The following ST6GALNAC3 variants were observed in gnomAD, a reference collection of about 807,000 sequenced individuals.
ST6GALNAC3 encodes the protein alpha-N-acetylgalactosaminide alpha-2,6-sialyltransferase 3.
ST6GALNAC3 carries 25 observed loss-of-function variants against 32.7 expected under a neutral mutation model. That is an observed-to-expected ratio of 0.76 (90% confidence interval 0.56 to 1.07). ST6GALNAC3 has a LOEUF of 1.07. Ranked by LOEUF, ST6GALNAC3 falls within the 50% of genes least tolerant of loss-of-function variation. ST6GALNAC3 has a pLI of 0.00. For synonymous variants in ST6GALNAC3, 129 were observed against 133.1 expected (o/e 0.97, Z 0.21); for missense variants, 355 against 382.4 (o/e 0.93, Z 0.60).
At chr1:76,271,125 G>T (rs1472865354) in intron 1 of ST6GALNAC3, among the ~76,000 whole-genome samples, 1 of 152,136 alleles carries the variant, frequency 6.6e-6, no homozygotes, top group East Asian at 1.9e-4. Context: ...CTGTGGAAAA[G>T]AAGTCTCCTT....
chr1:76,422,907 A>T (rs1231990119), intron 3 of ST6GALNAC3, among the ~76,000 whole-genome samples: 1 of 151,870 alleles, frequency 6.6e-6, no homozygotes, highest in Non-Finnish European at 1.5e-5. Context: ...CTGTCATTTT[A>T]TTCTTCACTT....
intron 1 of ST6GALNAC3, among the ~76,000 whole-genome samples, chr1:76,245,811 A>C (rs1435339773): frequency 2.6e-5 from 4 of 152,170 alleles, no homozygotes; most frequent in African/African-American, 7.2e-5. Context: ...TTTGCTTAGA[A>C]GAGTTTTATT....
chr1:76,091,195 G>A (rs1405761411), intron 1 of ST6GALNAC3, among the ~76,000 whole-genome samples: 1 of 152,210 alleles, frequency 6.6e-6, no homozygotes, highest in East Asian at 1.9e-4. Context: ...CGTGTAAAAT[G>A]AAGATAAGCA....
At chr1:76,396,586 A>G (rs1023763236) in intron 2 of ST6GALNAC3, among the ~76,000 whole-genome samples, 18 of 152,170 alleles carry the variant, frequency 1.2e-4, no homozygotes, top group African/African-American at 3.1e-4. Flanking sequence ...GCACCTTTCT[A>G]TTTAGTAGAT....
rs376491432 is a variant in ST6GALNAC3, at chr1:76,367,665, T to C, written c.214-44343T>C. On this transcript the variant is annotated intron_variant, in intron 2 of 4. Coordinates refer to ENST00000328299, the MANE Select transcript of ST6GALNAC3 (RefSeq NM_152996.4). ...TGATTTCAATCAAGCAATGATGATATGGCCAGATGGAGTGTGCCACCTCCC... is the reference window on the plus strand; with the variant it reads ...TGATTTCAATCAAGCAATGATGATACGGCCAGATGGAGTGTGCCACCTCCC... 8.7e-4 allele frequency among the ~76,000 whole-genome samples: 133 copies of C among 152,294 alleles called. 1 individual carries two copies. Among genetic ancestry groups the C allele is most frequent in the African/African-American group, 3.1e-3 (127 of 41,568 alleles).
intron 3 of ST6GALNAC3, among the ~76,000 whole-genome samples, chr1:76,416,437 A>C (rs959957271): frequency 6.6e-6 from 1 of 152,066 alleles, no homozygotes; most frequent in African/African-American, 2.4e-5. Flanking sequence ...TATTATGTAT[A>C]ATTTATAGAA....
chr1:76,495,707 G>A (rs1344140556), intron 3 of ST6GALNAC3, among the ~76,000 whole-genome samples: 5 of 152,026 alleles, frequency 3.3e-5, no homozygotes, highest in Non-Finnish European at 4.4e-5. Flanking sequence ...AAGTCAACTC[G>A]AAAATTGTAT....
intron 2 of ST6GALNAC3, among the ~76,000 whole-genome samples, chr1:76,386,991 G>A (rs1652147898): frequency 6.6e-6 from 1 of 152,058 alleles, no homozygotes; most frequent in Admixed American, 6.6e-5. Flanking sequence ...CTCCAGCATG[G>A]TATTTCATCT....
chr1:76,556,639 C>A (rs1664944350), intron 3 of ST6GALNAC3, among the ~76,000 whole-genome samples: 1 of 152,098 alleles, frequency 6.6e-6, no homozygotes, highest in Non-Finnish European at 1.5e-5. Context: ...TGTTGAGCAT[C>A]TTTTCCTGTA....
chr1:76,574,386 C>T (rs902809047), intron 3 of ST6GALNAC3, among the ~76,000 whole-genome samples: 3 of 152,038 alleles, frequency 2.0e-5, no homozygotes, highest in African/African-American at 7.2e-5. Context: ...ACCGTAGAAT[C>T]TCAGAGATGA....
chr1:76,523,585 T>G (rs888628895), intron 3 of ST6GALNAC3, among the ~76,000 whole-genome samples: 1 of 152,174 alleles, frequency 6.6e-6, no homozygotes, highest in Admixed American at 6.5e-5. Flanking sequence ...TCAGTCTATC[T>G]TTGGTTTCCT....
intron 1 of ST6GALNAC3, among the ~76,000 whole-genome samples, chr1:76,296,773 T>A (rs1660429472): frequency 6.6e-6 from 1 of 152,000 alleles, no homozygotes; most frequent in Non-Finnish European, 1.5e-5. Context: ...AAGAAAGGCA[T>A]TGTGTTATTT....
intron 2 of ST6GALNAC3, among the ~76,000 whole-genome samples, chr1:76,361,985 A>T (rs1985292): frequency 3.1e-5 from 2 of 65,138 alleles, no homozygotes; most frequent in African/African-American, 8.3e-5. Flanking sequence ...ATCAAAAAAA[A>T]AAAAAAAAGA....
At chr1:76,291,895 A>G (rs1031884953) in intron 1 of ST6GALNAC3, among the ~76,000 whole-genome samples, 1 of 152,250 alleles carries the variant, frequency 6.6e-6, no homozygotes, top group Non-Finnish European at 1.5e-5. Context: ...TATAATGATT[A>G]AACCAGAAGA....
At chr1:76,230,639 C>T (rs1392591018) in intron 1 of ST6GALNAC3, among the ~76,000 whole-genome samples, 1 of 151,966 alleles carries the variant, frequency 6.6e-6, no homozygotes, top group Non-Finnish European at 1.5e-5. Context: ...CTTTAATATA[C>T]CTATATATGT....
intron 3 of ST6GALNAC3, among the ~76,000 whole-genome samples, chr1:76,610,319 G>A (rs12354033): frequency 0.089 from 13,557 of 152,094 alleles, 663 homozygotes; most frequent in African/African-American, 0.1. Flanking sequence ...CTCTTTGTGG[G>A]TAAACATGAT....
intron 2 of ST6GALNAC3, among the ~76,000 whole-genome samples, chr1:76,379,124 C>T (rs2101107487): frequency 6.6e-6 from 1 of 152,240 alleles, no homozygotes; most frequent in Admixed American, 6.5e-5. Flanking sequence ...TCTCCATCTC[C>T]TGACCTCGTG....
intron 1 of ST6GALNAC3, among the ~76,000 whole-genome samples, chr1:76,162,001 T>A (rs1651840932): frequency 6.6e-6 from 1 of 152,208 alleles, no homozygotes; most frequent in African/African-American, 2.4e-5. Flanking sequence ...TGGCAGACAG[T>A]TGGCACTCAA....
At chr1:76,525,483 C>T (rs867766334) in intron 3 of ST6GALNAC3, among the ~76,000 whole-genome samples, 16 of 151,894 alleles carry the variant, frequency 1.1e-4, no homozygotes, top group African/African-American at 3.4e-4. Context: ...CTGCTCCTTT[C>T]TTCCCTAAGA....
Sources: gnomAD v4.1 joint callset for allele counts (sites outside exome capture counted in the v4.1 genomes callset) on GRCh38, gnomAD v4.1.1 for gene constraint, MANE v1.5 for transcripts, NCBI Gene and HGNC (gene_info 2026-07-23, HGNC 2026-07-21) for gene names.